STK32C: variants seen among roughly 807,000 people sequenced by gnomAD.
STK32C encodes serine/threonine-protein kinase 32C.
STK32C carries 31 observed loss-of-function variants against 56.5 expected under a neutral mutation model. The ratio of observed to expected loss-of-function variants is 0.55; its 90% CI spans 0.41 to 0.74. The LOEUF is 0.74. STK32C is among the 30% of genes least tolerant of loss of function. The pLI is 0.00. For missense variants in STK32C, 544 were observed against 676.9 expected, an observed-to-expected ratio of 0.80 and a Z score of 2.18; for synonymous variants, 309 against 289.4, an observed-to-expected ratio of 1.07 and a Z score of -0.69.
At chr10:132,290,500 T>C (rs1651466433) in intron 1 of STK32C, among the ~76,000 whole-genome samples, 1 of 152,232 alleles carries the variant, frequency 6.6e-6, no homozygotes. Context: ...TGTGTATGCA[T>C]GCACGCTCAT....
chr10:132,223,053 C>CTCAAGG, intron 8 of STK32C, 67 bp from the exon 9 acceptor site: 7 of 1,512,788 alleles, frequency 4.6e-6, no homozygotes, highest in Non-Finnish European at 6.2e-6. Context: ...GCCCGCCACC[C>CTCAAGG]CCAGGCCAGG....
At chr10:132,270,356 A>G (rs940029004) in intron 1 of STK32C, among the ~76,000 whole-genome samples, 1 of 152,254 alleles carries the variant, frequency 6.6e-6, no homozygotes, top group East Asian at 1.9e-4. Context: ...AGGGAAGGTG[A>G]TACCACAAGT....
chr10:132,219,360 G>A (rs2062562878), intron 10 of STK32C, among the ~76,000 whole-genome samples: 3 of 151,802 alleles, frequency 2.0e-5, no homozygotes, highest in South Asian at 4.2e-4. Context: ...AGACAAAGCC[G>A]AGCTCCTCCC....
At chr10:132,247,074 G>C (rs1439214211) in intron 1 of STK32C, among the ~76,000 whole-genome samples, 6 of 152,170 alleles carry the variant, frequency 3.9e-5, no homozygotes, top group South Asian at 2.1e-4. Flanking sequence ...CTACACACAT[G>C]GTTATTCTAA....
At chr10:132,232,112 G>A (rs1486609056) in intron 2 of STK32C, among the ~76,000 whole-genome samples, 2 of 152,212 alleles carry the variant, frequency 1.3e-5, no homozygotes, top group African/African-American at 2.4e-5. Flanking sequence ...CTGCGCTCAC[G>A]CTGCGCCCTC....
At chr10:132,316,399 G>A (rs2066310765) in intron 1 of STK32C, among the ~76,000 whole-genome samples, 1 of 152,092 alleles carries the variant, frequency 6.6e-6, no homozygotes, top group South Asian at 2.1e-4. Context: ...GATTGCTTGA[G>A]CCCAGAAGTC....
chr10:132,308,533 A>T (rs2066154837), upstream of STK32C, among the ~76,000 whole-genome samples: 2 of 127,926 alleles, frequency 1.6e-5, no homozygotes, highest in Non-Finnish European at 3.2e-5. Flanking sequence ...GCTCACGGTC[A>T]GGAGGCGGCA....
chr10:132,254,076 G>A (rs918385925), intron 1 of STK32C, among the ~76,000 whole-genome samples: 5 of 152,346 alleles, frequency 3.3e-5, no homozygotes, highest in African/African-American at 9.6e-5. Flanking sequence ...TAGGGAGGCC[G>A]AGGCAGGTGG....
intron 1 of STK32C, among the ~76,000 whole-genome samples, chr10:132,328,527 G>C (rs1401602690): frequency 6.6e-6 from 1 of 152,186 alleles, no homozygotes; most frequent in African/African-American, 2.4e-5. Flanking sequence ...TGTTAGTCCT[G>C]CAAAGGCAGA....
At chr10:132,328,251 G>A (rs528827019) in intron 1 of STK32C, among the ~76,000 whole-genome samples, 1 of 152,246 alleles carries the variant, frequency 6.6e-6, no homozygotes, top group Non-Finnish European at 1.5e-5. Context: ...GATTGGTCAG[G>A]TTGGAGATGG....
intron 2 of STK32C, among the ~76,000 whole-genome samples, chr10:132,236,523 C>T (rs902833469): frequency 1.3e-5 from 2 of 152,208 alleles, no homozygotes; most frequent in African/African-American, 2.4e-5. Context: ...CCTTCTCACT[C>T]GCGGGCTCGC....
intron 1 of STK32C, among the ~76,000 whole-genome samples, chr10:132,283,122 G>A (rs2065266793): frequency 6.6e-6 from 1 of 152,268 alleles, no homozygotes; most frequent in Admixed American, 6.5e-5. Flanking sequence ...GTGCACCTCA[G>A]GGCCACGATG....
intron 1 of STK32C, among the ~76,000 whole-genome samples, chr10:132,278,440 T>C (rs1439209445): frequency 2.7e-5 from 4 of 149,794 alleles, no homozygotes; most frequent in Admixed American, 6.7e-5. Context: ...AGCTTCTGCA[T>C]AGATAACAAT....
At chr10:132,217,006 C>T (rs1167003895) in intron 10 of STK32C, among the ~76,000 whole-genome samples, 1 of 6,226 alleles carries the variant, frequency 1.6e-4, no homozygotes, top group Non-Finnish European at 4.3e-4. Flanking sequence ...CACTGGGGCA[C>T]ACTGCCTAGT....
chr10:132,307,681 G>C lies in STK32C; in HGVS notation c.153C>G (p.Val51=), dbSNP rs1484552685. ...GQPRARDSGD[V]RSQPRPLFQW... is the part of the protein sequence containing the mutation. ...GAAACAGGGGGCGCGGCTGCGAGCGGACATCGCCCGAGTCCCGGGCCCGGG... is the reference window on the plus strand; with the variant it reads ...GAAACAGGGGGCGCGGCTGCGAGCGCACATCGCCCGAGTCCCGGGCCCGGG... Residue 51 remains valine, a synonymous_variant, in exon 1 of 12, where the codon GTC becomes GTG. Coordinates refer to ENST00000298630, the MANE Select transcript of STK32C (RefSeq NM_173575.4). This position sits in a 1 kb window ranked among gnomAD's most constrained non-coding sequence, Gnocchi z 4.4. The C allele has an allele frequency of 9.9e-6, 15 of 1,517,320 alleles. No individual in the cohort carries two copies. Among genetic ancestry groups the C allele is most frequent in the Non-Finnish European group, 1.1e-5 (13 of 1,133,108 alleles). 94.0% of individuals were successfully genotyped at this position (1,517,320 alleles called of 1,614,324 possible). A position where few individuals can be genotyped will look rare whatever the true frequency, so the allele number is the denominator to read the frequency against.
intron 2 of STK32C, among the ~76,000 whole-genome samples, chr10:132,242,252 T>G (rs2063528526): frequency 6.6e-6 from 1 of 151,872 alleles, no homozygotes; most frequent in Non-Finnish European, 1.5e-5. Context: ...AGAGGGGCCA[T>G]GAGCTGGGAG....
At chr10:132,257,056 C>T (rs112288192) in intron 1 of STK32C, among the ~76,000 whole-genome samples, 215 of 152,288 alleles carry the variant, frequency 1.4e-3, no homozygotes, top group African/African-American at 5.0e-3. Context: ...GATGGATGGG[C>T]AGGGCCCTGT....
chr10:132,222,566 C>G, intron 10 of STK32C, 75 bp downstream of exon 10: 11 of 1,565,482 alleles, frequency 7.0e-6, no homozygotes, highest in Non-Finnish European at 9.5e-6. Context: ...GGGGTCCCCA[C>G]ACGCCTTGCT....
chr10:132,273,525 G>T (rs940574695), intron 1 of STK32C, among the ~76,000 whole-genome samples: 1 of 152,020 alleles, frequency 6.6e-6, no homozygotes, highest in South Asian at 2.1e-4. Flanking sequence ...AGTGAATGGG[G>T]AGTTAGCAAA....
Sources: gnomAD v4.1 joint callset for allele counts (sites outside exome capture counted in the v4.1 genomes callset) on GRCh38, gnomAD v4.1.1 for gene constraint, Gnocchi (gnomAD v3.1) non-coding constraint, MANE v1.5 for transcripts, NCBI Gene and HGNC (gene_info 2026-07-23, HGNC 2026-07-21) for gene names.